The following LSAMP variants were observed in gnomAD, a reference collection of about 807,000 sequenced individuals.
LSAMP encodes limbic system associated membrane protein.
A neutral mutation model predicts 38.6 loss-of-function variants in LSAMP; 7 were observed. The ratio of observed to expected loss-of-function variants is 0.18; its 90% CI spans 0.10 to 0.34. The LOEUF (loss-of-function observed/expected upper bound fraction) is 0.34, where lower values mean the gene tolerates loss of function less well. Ranked by LOEUF, LSAMP falls within the 10% of genes least tolerant of loss-of-function variation. The pLI is 1.00. For missense variants in LSAMP, 313 were observed against 420.0 expected (o/e 0.75, Z 2.23); for synonymous variants, 154 against 166.8 (o/e 0.92, Z 0.59).
chr3:116,134,317 T>C (rs1425277671), intron 1 of LSAMP, among the ~76,000 whole-genome samples: 3 of 152,266 alleles, frequency 2.0e-5, no homozygotes, highest in Admixed American at 2.0e-4. Flanking sequence ...GTAACTTTAT[T>C]ATAAATCACC....
chr3:116,303,035 TTTTTA>T (rs2047435432), intron 1 of LSAMP, among the ~76,000 whole-genome samples: 1 of 152,190 alleles, frequency 6.6e-6, no homozygotes, highest in African/African-American at 2.4e-5. Context: ...ATCCTGAGTA[TTTTTA>T]TTTTAATTAA....
intron 3 of LSAMP, among the ~76,000 whole-genome samples, chr3:115,914,817 C>G (rs925657692): frequency 5.3e-5 from 8 of 152,222 alleles, no homozygotes; most frequent in Admixed American, 1.3e-4. Flanking sequence ...TAAGTACTCT[C>G]AAGCACACAG....
intron 2 of LSAMP, among the ~76,000 whole-genome samples, chr3:116,066,326 G>A (rs1707428343): frequency 6.6e-6 from 1 of 152,290 alleles, no homozygotes; most frequent in East Asian, 1.9e-4. Flanking sequence ...AATTTAGCAA[G>A]GACATAAACA....
At chr3:116,222,215 C>T (rs980586967) in intron 1 of LSAMP, among the ~76,000 whole-genome samples, 7 of 151,194 alleles carry the variant, frequency 4.6e-5, no homozygotes, top group African/African-American at 1.7e-4. Context: ...AGGGGGATTC[C>T]TAAGACTTCT....
At chr3:116,305,213 G>T (rs570683337) in intron 1 of LSAMP, among the ~76,000 whole-genome samples, 4 of 152,126 alleles carry the variant, frequency 2.6e-5, no homozygotes, top group Middle Eastern at 3.4e-3. Flanking sequence ...ACAGTTTATT[G>T]TATTTATTGG....
At chr3:116,133,279 T>G (rs1709175875) in intron 1 of LSAMP, among the ~76,000 whole-genome samples, 1 of 151,836 alleles carries the variant, frequency 6.6e-6, no homozygotes, top group African/African-American at 2.4e-5. Flanking sequence ...TTGTTTTGTT[T>G]GTTTTGCTTT....
chr3:116,118,173 A>G (rs1708795381), intron 1 of LSAMP, among the ~76,000 whole-genome samples: 1 of 152,192 alleles, frequency 6.6e-6, no homozygotes, highest in Non-Finnish European at 1.5e-5. Context: ...CCCTCTCCAG[A>G]GAATGAACCT....
At chr3:116,002,429 A>G (rs1011741559) in intron 3 of LSAMP, among the ~76,000 whole-genome samples, 2 of 152,234 alleles carry the variant, frequency 1.3e-5, no homozygotes, top group African/African-American at 4.8e-5. Context: ...CCAGGCTGAA[A>G]GAAGCTTTGG....
chr3:116,164,793 G>C (rs1710008640), intron 1 of LSAMP, among the ~76,000 whole-genome samples: 1 of 126,338 alleles, frequency 7.9e-6, no homozygotes, highest in Non-Finnish European at 1.6e-5. Context: ...ATCTAGCTTA[G>C]TAAGGCTGAT....
chr3:116,417,561 T>C (rs572221069), intron 1 of LSAMP, among the ~76,000 whole-genome samples: 1 of 152,274 alleles, frequency 6.6e-6, no homozygotes, highest in African/African-American at 2.4e-5. Context: ...TAAAAATCAC[T>C]GGTACTAGCT....
intron 2 of LSAMP, among the ~76,000 whole-genome samples, chr3:116,047,593 T>A (rs1941317226): frequency 6.6e-6 from 1 of 152,110 alleles, no homozygotes; most frequent in South Asian, 2.1e-4. Flanking sequence ...TTTCTTTTGA[T>A]CCTTTTGCCT....
chr3:116,350,218 A>G (rs2048119021), intron 1 of LSAMP, among the ~76,000 whole-genome samples: 1 of 152,060 alleles, frequency 6.6e-6, no homozygotes, highest in Non-Finnish European at 1.5e-5. Context: ...ATGTCAGTCT[A>G]AGTAAAATTT....
At chr3:116,011,214 G>A (rs1029672060) in intron 3 of LSAMP, among the ~76,000 whole-genome samples, 1 of 152,058 alleles carries the variant, frequency 6.6e-6, no homozygotes, top group Non-Finnish European at 1.5e-5. Context: ...GCCAGTTTTT[G>A]CATTTTTATA....
chr3:116,140,661 C>T (rs1056490098), intron 1 of LSAMP, among the ~76,000 whole-genome samples: 12 of 152,002 alleles, frequency 7.9e-5, no homozygotes, highest in African/African-American at 2.7e-4. Context: ...CAAAATGCAA[C>T]AACATTGATA....
intron 1 of LSAMP, among the ~76,000 whole-genome samples, chr3:116,416,824 T>G (rs1619655): frequency 0.86 from 129,936 of 151,950 alleles, 55,823 homozygotes; most frequent in South Asian, 0.94. Flanking sequence ...TTTAAACCTC[T>G]TTGTGTCCTC....
At chr3:116,182,375 A>G (rs1270251587) in intron 1 of LSAMP, among the ~76,000 whole-genome samples, 1 of 151,068 alleles carries the variant, frequency 6.6e-6, no homozygotes, top group Non-Finnish European at 1.5e-5. Context: ...TATATATTGA[A>G]CTTATATATA....
rs1036210322 is a variant in LSAMP at position 115,951,427 on chromosome 3, GA to G, written c.514+68087del. 3.9e-5 allele frequency among the ~76,000 whole-genome samples: 6 copies of G among 151,966 alleles called. No homozygotes were observed. In the East Asian group the frequency reaches 1.2e-3, roughly 29 times the overall value. On this transcript the variant is annotated intron_variant, in intron 3 of 6. Coordinates refer to ENST00000490035, the MANE Select transcript of LSAMP (RefSeq NM_002338.5). ...ATAAGGAACTCAAACAAATCAGCAA[GA>G]AAAAAAATAGTCCCATCAGAAGTGG...
At chr3:115,947,384 C>T (rs1379593569) in intron 3 of LSAMP, among the ~76,000 whole-genome samples, 1 of 152,092 alleles carries the variant, frequency 6.6e-6, no homozygotes, top group East Asian at 1.9e-4. Flanking sequence ...TGATGCTGTG[C>T]ATGAACATAT....
chr3:116,370,609 G>A (rs1296519885), intron 1 of LSAMP, among the ~76,000 whole-genome samples: 2 of 152,152 alleles, frequency 1.3e-5, no homozygotes, highest in Non-Finnish European at 2.9e-5. Flanking sequence ...GAGTTGAGGG[G>A]AGGGTAAAAA....
Sources: gnomAD v4.1 joint callset for allele counts (sites outside exome capture counted in the v4.1 genomes callset) on GRCh38, gnomAD v4.1.1 for gene constraint, MANE v1.5 for transcripts, NCBI Gene and HGNC (gene_info 2026-07-23, HGNC 2026-07-21) for gene names.